Variants in DNAH12 observed in about 807,000 individuals in gnomAD.
DNAH12 encodes the protein axonemal beta dynein heavy chain 12.
Under a neutral mutation model 371.5 loss-of-function variants are expected in DNAH12, and 285 were observed. The ratio of observed to expected loss-of-function variants is 0.77; its 90% CI spans 0.70 to 0.85. The LOEUF (loss-of-function observed/expected upper bound fraction) is 0.85, where lower values mean the gene tolerates loss of function less well. DNAH12 is among the 40% of genes least tolerant of loss of function. DNAH12 has a pLI of 0.00. For synonymous variants in DNAH12, 1,200 were observed against 1,213.0 expected (o/e 0.99, Z 0.22); for missense variants, 3,611 against 3,689.4 (o/e 0.98, Z 0.55).
Position 57,323,164 on chromosome 3 carries a change from A to G in DNAH12, c.10226T>C (p.Ile3409Thr). Residue 3409 changes from isoleucine to threonine, a missense_variant, in exon 64 of 74, where the codon ATT (isoleucine) becomes ACT (threonine). Ile to Thr is a moderately conservative substitution (Grantham distance 89). This residue lies in a region of DNAH12 where 2,266 missense variants were observed against 2,236.9 expected (regional missense o/e 1.01). Transcript: ENST00000495027. ...AGTTCCTTCTTCAATTGCTGCTTTA[A>G]TCATTTTTGCTGCAATCGGTCCTTG... ...QGQGPIAAKMIKAAIEEGTWV... is the reference protein window; with the variant it reads ...QGQGPIAAKMTKAAIEEGTWV... The G allele has an allele frequency of 6.4e-7, 1 of 1,552,412 alleles. No homozygotes were observed. Among genetic ancestry groups the G allele is most frequent in the Non-Finnish European group, 8.7e-7 (1 of 1,147,144 alleles).
intron 17 of DNAH12, 60 bp downstream of exon 17, chr3:57,468,676 G>C: frequency 2.1e-6 from 2 of 972,082 alleles, no homozygotes; most frequent in Non-Finnish European, 2.8e-6. Flanking sequence ...TTATATATTA[G>C]GTAACAGAAA....
intron 34 of DNAH12, among the ~76,000 whole-genome samples, chr3:57,426,093 G>A (rs1485620512): frequency 6.6e-6 from 1 of 152,040 alleles, no homozygotes; most frequent in Non-Finnish European, 1.5e-5. Flanking sequence ...AGTTTGCCAG[G>A]TGAACAAGGG....
chr3:57,341,020 G>C (rs1427938616), intron 60 of DNAH12, among the ~76,000 whole-genome samples: 1 of 152,116 alleles, frequency 6.6e-6, no homozygotes, highest in Non-Finnish European at 1.5e-5. Context: ...ACAACAGAAT[G>C]AAGGACAAAA....
intron 45 of DNAH12, among the ~76,000 whole-genome samples, chr3:57,390,896 T>C (rs2063609059): frequency 6.6e-6 from 1 of 152,124 alleles, no homozygotes; most frequent in Non-Finnish European, 1.5e-5. Flanking sequence ...ATATCTCTGG[T>C]ATAAAACCAA....
chr3:57,387,252 T>G (rs1276237057), intron 45 of DNAH12, 33 bp from the exon 46 acceptor site: 14 of 152,138 alleles, frequency 9.2e-5, no homozygotes, highest in African/African-American at 3.1e-4. Context: ...CACTTGAAAT[T>G]TAAGATGAAC....
At chr3:57,406,051 T>A in intron 40 of DNAH12, 99 bp from the exon 41 acceptor site, 2 of 1,284,810 alleles carry the variant, frequency 1.6e-6, no homozygotes, top group East Asian at 5.1e-5. Context: ...ATTTACTCTG[T>A]CAGATTATAT....
Position 57,515,686 on chromosome 3 carries a change from T to C in DNAH12, c.280-4707A>G, listed in dbSNP as rs971485679. Among the ~76,000 whole-genome samples, 4 of 152,012 alleles carry C rather than the reference T, an allele frequency of 2.6e-5. No homozygotes were observed. The East Asian group carries it at 7.7e-4, about 29-fold the overall frequency. ...AGTAAAAATCTATAGTCCACACTGA[T>C]CTAAATGAATGAATAAGCGAAGAAA... is the stretch of plus-strand genomic sequence containing the variant. On this transcript the variant is annotated intron_variant, in intron 4 of 73. Transcript: ENST00000495027.
chr3:57,309,321 TATATA>T, intron 68 of DNAH12, 67 bp from the exon 69 acceptor site: 1 of 1,246,846 alleles, frequency 8.0e-7, no homozygotes, highest in Admixed American at 2.3e-5. Context: ...ATTCAGCCAT[TATATA>T]ATAATAGCTA....
intron 25 of DNAH12, among the ~76,000 whole-genome samples, chr3:57,448,902 A>G (rs1181342439): frequency 8.6e-6 from 1 of 116,650 alleles, no homozygotes. Flanking sequence ...GTGTTTACAA[A>G]CCTTGAGCTA....
the DNAH12 span, among the ~76,000 whole-genome samples, chr3:57,554,121 T>C: frequency 2.7e-5 from 4 of 149,084 alleles, no homozygotes; most frequent in Non-Finnish European, 4.4e-5. Context: ...ATTCCATCTC[T>C]ACTAAAAATA....
intron 4 of DNAH12, among the ~76,000 whole-genome samples, chr3:57,521,945 C>T (rs1204023529): frequency 2.6e-5 from 4 of 151,778 alleles, no homozygotes; most frequent in Non-Finnish European, 5.9e-5. Flanking sequence ...ATCTTTTGGC[C>T]AGGCGAGATG....
Position 57,293,730 on chromosome 3 carries a change from G to A in DNAH12, c.*51C>T. 7.0e-7 allele frequency: 1 copy of A among 1,429,346 alleles called. No homozygotes were observed. 88.5% of individuals were successfully genotyped at this position (1,429,346 alleles called of 1,614,324 possible). A position where few individuals can be genotyped will look rare whatever the true frequency, so the allele number is the denominator to read the frequency against. ...TTTATAATGTATATATTTTAAGTAG[G>A]ACAGGTTTTTTTTTTTTTAAACTTT... is the stretch of plus-strand genomic sequence containing the variant. On this transcript the variant is annotated 3_prime_UTR_variant, in exon 74 of 74. Coordinates refer to ENST00000495027, the MANE Select transcript of DNAH12 (RefSeq NM_001366028.2).
At chr3:57,377,730 C>T (rs1250820657) in intron 52 of DNAH12, among the ~76,000 whole-genome samples, 3 of 152,046 alleles carry the variant, frequency 2.0e-5, no homozygotes, top group Non-Finnish European at 2.9e-5. Context: ...AGTTTCACTA[C>T]CAAAACTGAA....
chr3:57,379,920 TTAAGAA>T (rs1454022832), intron 51 of DNAH12, among the ~76,000 whole-genome samples: 3 of 147,012 alleles, frequency 2.0e-5, no homozygotes, highest in South Asian at 2.2e-4. Flanking sequence ...CAATTAAACA[TTAAGAA>T]TAAGAATTTG....
At chr3:57,474,486 G>C (rs897550578) in intron 13 of DNAH12, among the ~76,000 whole-genome samples, 1 of 151,970 alleles carries the variant, frequency 6.6e-6, no homozygotes, top group African/African-American at 2.4e-5. Flanking sequence ...AGCAGAGACG[G>C]GATTTCACCA....
At chr3:57,500,159 C>T in intron 11 of DNAH12, among the ~76,000 whole-genome samples, 1 of 31,960 alleles carries the variant, frequency 3.1e-5, no homozygotes, top group South Asian at 2.6e-3. Context: ...TACTCCTCAG[C>T]CCCCCCTAGT....
At position 57,507,847 on chromosome 3, in the gene DNAH12, G is replaced by A. The variant is rs377376952; in HGVS notation, c.702-9C>T. ...CAATTGGACCTTTAGCTCTATTTAT[G>A]AGAAAAAGAAATGTGATTTGAAGCA... On this transcript the variant is annotated splice_polypyrimidine_tract_variant and intron_variant, in intron 7 of 73. Transcript: ENST00000495027. The A allele has an allele frequency of 9.0e-5, 140 of 1,554,994 alleles. No individual in the cohort carries two copies. Among genetic ancestry groups the A allele is most frequent in the Middle Eastern group, 1.7e-4 (1 of 5,752 alleles).
chr3:57,365,399 G>A (rs2063028181), intron 57 of DNAH12, among the ~76,000 whole-genome samples: 1 of 152,138 alleles, frequency 6.6e-6, no homozygotes, highest in African/African-American at 2.4e-5. Flanking sequence ...ATAAGTGGGA[G>A]CTGAAAAATA....
chr3:57,462,118 T>G (rs1265052688), intron 18 of DNAH12, among the ~76,000 whole-genome samples: 1 of 152,194 alleles, frequency 6.6e-6, no homozygotes, highest in Non-Finnish European at 1.5e-5. Flanking sequence ...GGAAAAATTA[T>G]GTACCAACAC....
Sources: gnomAD v4.1 joint callset for allele counts (sites outside exome capture counted in the v4.1 genomes callset) on GRCh38, gnomAD v4.1.1 for gene constraint, gnomAD v4.1.1 regional missense constraint, MANE v1.5 for transcripts, NCBI Gene and HGNC (gene_info 2026-07-23, HGNC 2026-07-21) for gene names.